The following TTN variants were observed in gnomAD, a reference collection of about 807,000 sequenced individuals.
TTN encodes the protein titin.
Under a neutral mutation model 3,223.0 loss-of-function variants are expected in TTN, and 1,525 were observed. That is an observed-to-expected ratio of 0.47 (90% CI 0.45 to 0.49). TTN has a LOEUF of 0.49. TTN is among the 20% of genes least tolerant of loss of function. The pLI, the probability that TTN is intolerant of heterozygous loss-of-function variation, is 0.00. For synonymous variants in TTN, 14,094 were observed against 15,161.0 expected, an observed-to-expected ratio of 0.93 and a Z score of 5.17; for missense variants, 40,786 against 43,424.0, an observed-to-expected ratio of 0.94 and a Z score of 5.40.
rs773883951 is a variant in TTN at position 178,611,060 on chromosome 2, T to G, written c.51069A>C (p.Gly17023=). The part of the protein sequence containing the change: ...EVPKSVRADA[G]IYTITLENKL... The stretch of plus-strand genomic sequence containing the variant: ...TATTCTCCAGTGTAATGGTATAAAT[T>G]CCGGCATCTGCACGGACACTCTTGG... The change falls in exon 270 of 363, where the codon GGA becomes GGC. Residue 17023 remains glycine, a synonymous_variant. Transcript: ENST00000589042. The G allele has an allele frequency of 5.6e-6, 9 of 1,612,736 alleles. No individual in the cohort carries two copies. The highest frequency in any genetic ancestry group is 7.6e-6 in the Non-Finnish European group (9 of 1,179,190).
At chr2:178,689,713 A>G in intron 122 of TTN, 100 bp downstream of exon 122, 3 of 1,443,828 alleles carry the variant, frequency 2.1e-6, no homozygotes, top group African/African-American at 1.4e-5. Flanking sequence ...ACCACAAAAC[A>G]TTCATTTAGA....
chr2:178,559,587 G>C lies in TTN; in HGVS notation c.86545C>G (p.Pro28849Ala), dbSNP rs765907573. Residue 28849 changes from proline to alanine, a missense_variant, in exon 326 of 363, where the codon CCA (proline) becomes GCA (alanine). Coordinates refer to ENST00000589042, the MANE Select transcript of TTN (RefSeq NM_001267550.2). ...ACATCTTGCACAGTAATGTTGGTTG[G>C]AGGACCTGGGGTATCTAAAACTTTG... ...VVKVLDTPGP[P>A]TNITVQDVTK... 26 of 1,613,730 alleles carry C rather than the reference G, an allele frequency of 1.6e-5. No individual in the cohort carries two copies. In the Admixed American group the frequency reaches 4.2e-4, roughly 26 times the overall value.
Position 178,740,126 on chromosome 2 carries a change from C to A in TTN, c.13107G>T (p.Val4369=), listed in dbSNP as rs1241658108. ...SKREPVAIKK[V]QEVQGRDLLS... is the part of the protein sequence containing the mutation. ...GAAGGTCCCTTCCCTGTACCTCCTGCACTTTCTTTATTGCCACGGGCTCTC... is the reference window on the plus strand; with the variant it reads ...GAAGGTCCCTTCCCTGTACCTCCTGAACTTTCTTTATTGCCACGGGCTCTC... Residue 4369 remains valine (V), a synonymous_variant, in exon 48 of 363, where the codon GTG becomes GTT. Coordinates refer to ENST00000589042, the MANE Select transcript of TTN (RefSeq NM_001267550.2). The A allele has an allele frequency of 6.2e-7, 1 of 1,613,860 alleles. No individual in the cohort carries two copies. The highest frequency in any genetic ancestry group is 1.1e-5 in the South Asian group (1 of 91,070).
chr2:178,549,806 A>G lies in TTN; in HGVS notation c.91916T>C (p.Leu30639Pro). ...FTNITGEKMTLWWDAPLNDGC... is the reference protein window; with the variant it reads ...FTNITGEKMTPWWDAPLNDGC... ...GTCATTGAGTGGGGCATCCCACCAC[A>G]GAGTCATCTTCTCCCCAGTAATATT... The change falls in exon 338 of 363, where the codon CTG (leucine) becomes CCG (proline). Residue 30639 changes from leucine to proline, a missense_variant. By Grantham distance (98) the Leu-to-Pro change is moderately conservative (BLOSUM62 -3). Transcript: ENST00000589042. The G allele has an allele frequency of 6.2e-7, 1 of 1,608,188 alleles. No individual in the cohort carries two copies. Among genetic ancestry groups the G allele is most frequent in the South Asian group, 1.1e-5 (1 of 90,772 alleles).
intron 162 of TTN, 134 bp downstream of exon 162, chr2:178,667,102 G>T: frequency 1.1e-6 from 1 of 941,636 alleles, no homozygotes; most frequent in Non-Finnish European, 1.6e-6. Flanking sequence ...ATTCTTTGTT[G>T]TGGGTATATC....
Position 178,689,113 on chromosome 2 carries a change from C to CGG in TTN, c.32033_32034dup (p.Val10679ProfsTer30). On this transcript the variant is annotated frameshift_variant, in exon 125 of 363. Transcript: ENST00000589042. LOFTEE classifies it high-confidence loss of function. The stretch of plus-strand genomic sequence containing the variant: ...GGCACTGCAACTTTCTCCTCTGGGA[C>CGG]GGGTTTCTTAGGCAGAGCTGGCACT... The CGG allele has an allele frequency of 6.2e-7, 1 of 1,603,862 alleles. No individual in the cohort carries two copies. The highest frequency in any genetic ancestry group is 8.5e-7 in the Non-Finnish European group (1 of 1,177,692).
chr2:178,538,100 T>C (rs1692477502), intron 354 of TTN, 183 bp from the exon 355 acceptor site: 1 of 615,178 alleles, frequency 1.6e-6, no homozygotes, highest in Non-Finnish European at 2.8e-6. Flanking sequence ...AGGGATTCAA[T>C]GAGCACATCG....
intron 98 of TTN, 88 bp downstream of exon 98, chr2:178,710,547 T>G: frequency 7.0e-7 from 1 of 1,427,678 alleles, no homozygotes; most frequent in South Asian, 1.4e-5. Flanking sequence ...ATGTCCTAAA[T>G]TGCATTCATC....
chr2:178,570,790 A>G lies in TTN; in HGVS notation c.75342T>C (p.Asp25114=), dbSNP rs1707914737. Residue 25114 remains aspartate, a synonymous_variant, in exon 326 of 363, where the codon GAT becomes GAC. Coordinates refer to ENST00000589042, the MANE Select transcript of TTN (RefSeq NM_001267550.2). Reference sequence around the variant, plus strand: ...CCACGATTGTGTCTTTGTATTTTGGATCCATACTTATTCGTGGTGGATCTA... The same window carrying G: ...CCACGATTGTGTCTTTGTATTTTGGGTCCATACTTATTCGTGGTGGATCTA... The part of the protein sequence containing the change: ...DEVDPPRISM[D]PKYKDTIVVH... The G allele has an allele frequency of 1.9e-6, 3 of 1,613,546 alleles. No homozygotes were observed. Among genetic ancestry groups the G allele is most frequent in the Admixed American group, 1.7e-5 (1 of 59,992 alleles).
Position 178,531,395 on chromosome 2 carries a change from C to T in TTN, c.105220G>A (p.Glu35074Lys), listed in dbSNP as rs777819401. ...VSSFKKTSEM[E>K]ASSSVREVKS... ...ACTTCCCTGACAGAAGACGAAGCTTCCATCTCAGATGTTTTCTTAAATGAT... is the reference window on the plus strand; with the variant it reads ...ACTTCCCTGACAGAAGACGAAGCTTTCATCTCAGATGTTTTCTTAAATGAT... Residue 35074 changes from glutamate (E) to lysine (K), a missense_variant, in exon 358 of 363, where the codon GAA (glutamate) becomes AAA (lysine). Transcript: ENST00000589042. 6.2e-7 allele frequency: 1 copy of T among 1,614,064 alleles called. No individual in the cohort carries two copies. The highest frequency in any genetic ancestry group is 8.5e-7 in the Non-Finnish European group (1 of 1,179,910).
At chr2:178,727,018 A>C in intron 69 of TTN, 72 bp downstream of exon 69, 1 of 1,293,136 alleles carries the variant, frequency 7.7e-7, no homozygotes, top group African/African-American at 1.5e-5. Flanking sequence ...ATAGTAAATG[A>C]ATAAAGAGCT....
Position 178,612,850 on chromosome 2 carries a change from C to T in TTN, c.49871G>A (p.Arg16624Gln), listed in dbSNP as rs367566671. 7.6e-5 allele frequency: 123 copies of T among 1,612,496 alleles called. No individual in the cohort carries two copies. Among genetic ancestry groups the T allele is most frequent in the South Asian group, 6.7e-4 (61 of 91,034 alleles). The change falls in exon 265 of 363, where the codon CGA becomes CAA. Residue 16624 changes from arginine to glutamine, a missense_variant. Arg to Gln is a conservative substitution (Grantham distance 43). Transcript: ENST00000589042. ...CCCAGCCTTATTCACAGCTCTAACT[C>T]GGAATGAGTATTCCTGTCCTTCCAT... ...GLMEGQEYSF[R>Q]VRAVNKAGES...
Position 178,572,913 on chromosome 2 carries a change from G to C in TTN, c.73219C>G (p.Leu24407Val), listed in dbSNP as rs760989943. 1 of 1,613,242 alleles carries C rather than the reference G, an allele frequency of 6.2e-7. No individual in the cohort carries two copies. ...CCAGGAACAAGGGCAGGTTCCCCAAGTCCTTCGGAATTCATGGCATAGATG... is the reference window on the plus strand; with the variant it reads ...CCAGGAACAAGGGCAGGTTCCCCAACTCCTTCGGAATTCATGGCATAGATG... ...IRIYAMNSEG[L>V]GEPALVPGTP... The change falls in exon 326 of 363, where the codon CTT (leucine) becomes GTT (valine). Residue 24407 changes from leucine (L) to valine (V), a missense_variant. Transcript: ENST00000589042.
rs1055249165 is a variant in TTN, at chr2:178,576,758, C to T, written c.69486G>A (p.Arg23162=). The change falls in exon 325 of 363, where the codon AGG becomes AGA. Residue 23162 remains arginine, a synonymous_variant. Transcript: ENST00000589042. This position sits in a 1 kb window ranked among gnomAD's most constrained non-coding sequence, Gnocchi z 4.3. The stretch of plus-strand genomic sequence containing the variant: ...TTTCGCTGCCACCATCATCCACTGG[C>T]CTTTTCCAGCTGACAGTGGCAGTGT... ...TKNTATVSWK[R]PVDDGGSEIT... 1.9e-6 allele frequency: 3 copies of T among 1,613,322 alleles called. No individual in the cohort carries two copies. Among genetic ancestry groups the T allele is most frequent in the Non-Finnish European group, 2.5e-6 (3 of 1,179,632 alleles).
At position 178,722,030 on chromosome 2, in the gene TTN, G is replaced by A. The variant is rs764687326; in HGVS notation, c.22633C>T (p.Arg7545Ter). The A allele has an allele frequency of 8.7e-6, 14 of 1,613,230 alleles. No homozygotes were observed. The highest frequency in any genetic ancestry group is 1.1e-5 in the South Asian group (1 of 91,004). Residue 7545 changes from arginine (R) to a stop codon, truncating the protein, a stop_gained, in exon 78 of 363, where the codon CGA (arginine) becomes TGA (stop). Transcript: ENST00000589042. LOFTEE classifies it high-confidence loss of function. ...ECHVTGAQPM[R>*]ITWSKDNKEI... Reference sequence around the variant, plus strand: ...TTGTTATCTTTTGACCAAGTGATTCGCATCGGTTGAGCACCAGTAACATGA... The same window carrying A: ...TTGTTATCTTTTGACCAAGTGATTCACATCGGTTGAGCACCAGTAACATGA...
rs776291578 is a variant in TTN, at chr2:178,634,737, A to G, written c.42137T>C (p.Ile14046Thr). The change falls in exon 229 of 363, where the codon ATT (isoleucine) becomes ACT (threonine). Residue 14046 changes from isoleucine (I) to threonine (T), a missense_variant. By Grantham distance (89) the Ile-to-Thr change is moderately conservative. Transcript: ENST00000589042. The surrounding 1 kb of genome is among the most constrained non-coding windows in gnomAD (Gnocchi z 4.6). ...AAGCCCCATACCTTTTACTGTCAAA[A>G]TGGCAGTTGTAATTGCATTAAGGGC... Reference protein sequence around the residue: ...YQALNAITTAILTVKEIELDF... With the variant: ...YQALNAITTATLTVKEIELDF... 6 of 1,612,970 alleles carry G rather than the reference A, an allele frequency of 3.7e-6. No individual in the cohort carries two copies. The highest frequency in any genetic ancestry group is 5.1e-6 in the Non-Finnish European group (6 of 1,179,392).
chr2:178,761,743 C>A (rs1346055128), intron 43 of TTN, among the ~76,000 whole-genome samples: 1 of 152,082 alleles, frequency 6.6e-6, no homozygotes, highest in African/African-American at 2.4e-5. Context: ...CACCCCAGCA[C>A]CTAGGGTAAT....
Position 178,587,570 on chromosome 2 carries a change from T to C in TTN, c.63739A>G (p.Thr21247Ala). The change falls in exon 306 of 363, where the codon ACA becomes GCA. Residue 21247 changes from threonine (T) to alanine (A), a missense_variant. By Grantham distance (58) the Thr-to-Ala change is moderately conservative. Transcript: ENST00000589042. ...TRDDSGKYSL[T>A]LVNPAGEKAV... is the part of the protein sequence containing the mutation. ...TTTTCTCCTGCTGGGTTCACAAGTG[T>C]TAAGGAATATTTTCCTGAGTCATCA... The C allele has an allele frequency of 6.2e-7, 1 of 1,612,358 alleles. No homozygotes were observed. The highest frequency in any genetic ancestry group is 8.5e-7 in the Non-Finnish European group (1 of 1,179,238).
At chr2:178,668,733 CAAA>C (rs1372370526) in intron 159 of TTN, among the ~76,000 whole-genome samples, 8 of 61,850 alleles carry the variant, frequency 1.3e-4, no homozygotes, top group Admixed American at 3.6e-4. Context: ...GATTCCATCT[CAAA>C]AAAAAAAAAA....
Sources: allele counts gnomAD v4.1 joint callset (sites outside exome capture counted in the v4.1 genomes callset), GRCh38; gene constraint gnomAD v4.1.1; non-coding constraint Gnocchi (gnomAD v3.1); transcripts MANE v1.5; gene names NCBI Gene and HGNC (gene_info 2026-07-23, HGNC 2026-07-21).